PCDHGB3: variants seen among roughly 807,000 people sequenced by gnomAD.
PCDHGB3 encodes the protein protocadherin gamma-B3.
Under a neutral mutation model 59.2 loss-of-function variants are expected in PCDHGB3, and 40 were observed. The ratio of observed to expected loss-of-function variants is 0.68; its 90% CI spans 0.52 to 0.88. PCDHGB3 has a LOEUF of 0.88. Ranked by LOEUF, PCDHGB3 falls within the 40% of genes least tolerant of loss-of-function variation. PCDHGB3 has a pLI of 0.00. For missense variants in PCDHGB3, 1,309 were observed against 1,187.9 expected, an observed-to-expected ratio of 1.10 and a Z score of -1.50; for synonymous variants, 581 against 503.6, an observed-to-expected ratio of 1.15 and a Z score of -2.06.
chr5:141,382,825 G>C, intron 1 of PCDHGB3: 1 of 1,337,416 alleles, frequency 7.5e-7, no homozygotes, highest in Non-Finnish European at 1.0e-6. Flanking sequence ...CTAAGACAGA[G>C]GGGTCCACCC....
intron 1 of PCDHGB3, chr5:141,428,212 C>A (rs1295973505): frequency 8.0e-7 from 1 of 1,255,000 alleles, no homozygotes; most frequent in Non-Finnish European, 1.1e-6. Context: ...TACGCTTCAC[C>A]TAGTCTTCGC....
intron 1 of PCDHGB3, among the ~76,000 whole-genome samples, chr5:141,453,288 ATTAT>A (rs577328880): frequency 4.0e-5 from 6 of 151,342 alleles, no homozygotes; most frequent in Admixed American, 1.3e-4. Context: ...TAATTTTTTA[ATTAT>A]TTATTTATTT....
rs754175637 is a variant in PCDHGB3, at chr5:141,371,589, A to C, written c.1195A>C (p.Lys399Gln). ...CCCCTTTAAAATCGTTCAAGATACC[A>C]AAAACACATACAGGTTGGTGACAGA... ...NFPFKIVQDT[K>Q]NTYRLVTDGA... The change falls in exon 1 of 4, where the codon AAA becomes CAA. Residue 399 changes from lysine to glutamine, a missense_variant. Coordinates refer to ENST00000576222, the MANE Select transcript of PCDHGB3 (RefSeq NM_018924.5). 6.2e-7 allele frequency: 1 copy of C among 1,613,602 alleles called. No homozygotes were observed. Among genetic ancestry groups the C allele is most frequent in the South Asian group, 1.1e-5 (1 of 91,068 alleles).
intron 1 of PCDHGB3, among the ~76,000 whole-genome samples, chr5:141,447,135 G>GT (rs905717632): frequency 9.9e-5 from 15 of 151,698 alleles, no homozygotes; most frequent in African/African-American, 3.4e-4. Flanking sequence ...TTGTTTGTTT[G>GT]TTTTTTGTTT....
intron 1 of PCDHGB3, among the ~76,000 whole-genome samples, chr5:141,401,668 A>G (rs2094180828): frequency 6.6e-6 from 1 of 152,254 alleles, no homozygotes; most frequent in Non-Finnish European, 1.5e-5. Flanking sequence ...TTTTCTCAAC[A>G]TCCTTGTAGG....
rs138745923 is a variant in PCDHGB3, at chr5:141,420,954, A to C, written c.2415+48145A>C. On this transcript the variant is annotated intron_variant, in intron 1 of 3. Transcript: ENST00000576222. ...GTAATCATTTCTTCTGGAATTTCTTAGTCGTTGCAATAATAAGAATGGGCT... is the reference window on the plus strand; with the variant it reads ...GTAATCATTTCTTCTGGAATTTCTTCGTCGTTGCAATAATAAGAATGGGCT... 3.9e-3 allele frequency: 1,621 copies of C among 412,482 alleles called. 10 individuals are homozygous for C. The highest frequency in any genetic ancestry group is 0.01 in the Admixed American group (249 of 24,550). The allele number at this position is 412,482 out of a possible 1,614,324, so 25.6% of individuals were successfully genotyped here.
In PCDHGB3 at chr5:141,371,287, C is replaced by T; in HGVS notation, c.893C>T (p.Thr298Met). ...CAACTGTTCAAGCTGGACAGTAAAA[C>T]GGGGGAACTCACCACTATTGGAGAA... ...VRQLFKLDSK[T>M]GELTTIGELD... The change falls in exon 1 of 4, where the codon ACG (threonine) becomes ATG (methionine). Residue 298 changes from threonine (T) to methionine (M), a missense_variant. Coordinates refer to ENST00000576222, the MANE Select transcript of PCDHGB3 (RefSeq NM_018924.5). 1.2e-6 allele frequency: 2 copies of T among 1,613,928 alleles called. No homozygotes were observed. Among genetic ancestry groups the T allele is most frequent in the South Asian group, 1.1e-5 (1 of 91,084 alleles).
chr5:141,489,293 T>G lies in PCDHGB3; in HGVS notation c.2416-5514T>G. The G allele has an allele frequency of 6.3e-7, 1 of 1,579,940 alleles. No homozygotes were observed. Among genetic ancestry groups the G allele is most frequent in the Non-Finnish European group, 8.6e-7 (1 of 1,162,928 alleles). ...GCTGGGAAATGGCAAGTGCTGTGCA[T>G]GTTGTCCTTGTGCTGCTGGGGCTGG... On this transcript the variant is annotated intron_variant, in intron 1 of 3. Transcript: ENST00000576222. This position sits in a 1 kb window ranked among gnomAD's most constrained non-coding sequence, Gnocchi z 4.5.
intron 1 of PCDHGB3, among the ~76,000 whole-genome samples, chr5:141,451,067 A>G (rs948528671): frequency 6.6e-6 from 1 of 151,848 alleles, no homozygotes; most frequent in African/African-American, 2.4e-5. Flanking sequence ...TGACCTTGTG[A>G]TCCACCCACC....
rs57426385 is a variant in PCDHGB3, at chr5:141,415,740, G to GTTTTTTTTTTTT, written c.2415+42952_2415+42963dup. 137 of 625,016 alleles carry GTTTTTTTTTTTT rather than the reference G, an allele frequency of 2.2e-4. 2 individuals carry two copies. The highest frequency in any genetic ancestry group is 3.5e-4 in the Admixed American group (5 of 14,120). The allele number at this position is 625,016 out of a possible 1,614,324, so 38.7% of individuals were successfully genotyped here. On this transcript the variant is annotated intron_variant, in intron 1 of 3. Coordinates refer to ENST00000576222, the MANE Select transcript of PCDHGB3 (RefSeq NM_018924.5). ...TGAGTAGAATTTGATGTTTATTAAG[G>GTTTTTTTTTTTT]TTTTTTTTTTTTTTTTTTTTTTTTT... is the stretch of plus-strand genomic sequence containing the variant.
rs1485764871 is a variant in PCDHGB3, at chr5:141,486,709, C to A, written c.2416-8098C>A. On this transcript the variant is annotated intron_variant, in intron 1 of 3. Coordinates refer to ENST00000576222, the MANE Select transcript of PCDHGB3 (RefSeq NM_018924.5). The surrounding 1 kb of genome is among the most constrained non-coding windows in gnomAD (Gnocchi z 5.0). ...CTTCCTCTTTCATCTCTCTGAACCC[C>A]CAGACAGGAGCTGTTCATGCTACTC... 6.2e-7 allele frequency: 1 copy of A among 1,614,182 alleles called. No homozygotes were observed. Among genetic ancestry groups the A allele is most frequent in the Admixed American group, 1.7e-5 (1 of 60,022 alleles).
chr5:141,375,647 T>A (rs1265306389), intron 1 of PCDHGB3: 1 of 1,614,156 alleles, frequency 6.2e-7, no homozygotes, highest in Admixed American at 1.7e-5. Flanking sequence ...CTCCTTCGAC[T>A]ATGAGCAGTT....
At position 141,494,704 on chromosome 5, in the gene PCDHGB3, T is replaced by C. The variant is rs2099756232; in HGVS notation, c.2416-103T>C. Reference sequence around the variant, plus strand: ...CCCCCTCTTAGTCCGTTTTCTTCTCTGTGCCCACTCCCCTCCTTCTCTCCC... The same window carrying C: ...CCCCCTCTTAGTCCGTTTTCTTCTCCGTGCCCACTCCCCTCCTTCTCTCCC... On this transcript the variant is annotated intron_variant, in intron 1 of 3. Transcript: ENST00000576222. The C allele has an allele frequency of 3.1e-6, 5 of 1,597,570 alleles. No individual in the cohort carries two copies. The Admixed American group carries it at 8.5e-5, about 27-fold the overall frequency.
Position 141,383,215 on chromosome 5 carries a change from T to C in PCDHGB3, c.2415+10406T>C, listed in dbSNP as rs375026409. ...TCAGAGTGCGCGGTGTCTGGTAAAC[T>C]TTAACATCCTGATGGAAGATAAAAT... On this transcript the variant is annotated intron_variant, in intron 1 of 3. Coordinates refer to ENST00000576222, the MANE Select transcript of PCDHGB3 (RefSeq NM_018924.5). The C allele has an allele frequency of 5.6e-6, 9 of 1,613,884 alleles. No individual in the cohort carries two copies. The African/African-American group carries it at 1.2e-4, about 22-fold the overall frequency.
chr5:141,418,908 C>G, intron 1 of PCDHGB3: 3 of 1,613,932 alleles, frequency 1.9e-6, no homozygotes, highest in Non-Finnish European at 2.5e-6. Flanking sequence ...ATAATCATCA[C>G]GTCACTCTCT....
rs1029080327 is a variant in PCDHGB3 at position 141,512,737 on chromosome 5, G to C, written c.*1564G>C. 6.5e-5 allele frequency: 10 copies of C among 152,868 alleles called. No individual in the cohort carries two copies. The highest frequency in any genetic ancestry group is 2.4e-4 in the African/African-American group (10 of 41,472). 9.5% of individuals were successfully genotyped at this position (152,868 alleles called of 1,614,324 possible). On this transcript the variant is annotated 3_prime_UTR_variant, in exon 4 of 4. Transcript: ENST00000576222. Reference sequence around the variant, plus strand: ...ATGGCGGGTGGGCAGCGGGCGGCGGGCTCCGCGCAGCCGTCTGTCCTTGAT... The same window carrying C: ...ATGGCGGGTGGGCAGCGGGCGGCGGCCTCCGCGCAGCCGTCTGTCCTTGAT...
chr5:141,371,712 C>CTGCA lies in PCDHGB3; in HGVS notation c.1319_1322dup (p.Ile442AlafsTer4). 2 of 1,614,078 alleles carry CTGCA rather than the reference C, an allele frequency of 1.2e-6. No individual in the cohort carries two copies. Among genetic ancestry groups the CTGCA allele is most frequent in the Non-Finnish European group, 1.7e-6 (2 of 1,179,908 alleles). On this transcript the variant is annotated frameshift_variant, in exon 1 of 4. Coordinates refer to ENST00000576222, the MANE Select transcript of PCDHGB3 (RefSeq NM_018924.5). LOFTEE classifies it high-confidence loss of function. The stretch of plus-strand genomic sequence containing the variant: ...GCTCTCCTCCAGCAAGACCATCACT[C>CTGCA]TGCACATCCTTGATGTCAACGACAA...
intron 1 of PCDHGB3, among the ~76,000 whole-genome samples, chr5:141,456,101 G>A (rs1231843666): frequency 6.6e-6 from 1 of 151,970 alleles, no homozygotes; most frequent in African/African-American, 2.4e-5. Context: ...ATTTCACCGT[G>A]TTAGCCAGGA....
Position 141,399,689 on chromosome 5 carries a change from T to C in PCDHGB3, c.2415+26880T>C, listed in dbSNP as rs199516491. 502 of 1,613,550 alleles carry C rather than the reference T, an allele frequency of 3.1e-4. 1 individual carries two copies. Among genetic ancestry groups the C allele is most frequent in the Non-Finnish European group, 3.8e-4 (448 of 1,179,874 alleles). On this transcript the variant is annotated intron_variant, in intron 1 of 3. Transcript: ENST00000576222. ...CAGCGCGCCTTTGACTACGAGCAGC[T>C]GCGCACCTTCGAACTCACACTACAG...
Sources: allele counts gnomAD v4.1 joint callset (sites outside exome capture counted in the v4.1 genomes callset), GRCh38; gene constraint gnomAD v4.1.1; non-coding constraint Gnocchi (gnomAD v3.1); transcripts MANE v1.5; gene names NCBI Gene and HGNC (gene_info 2026-07-23, HGNC 2026-07-21).